Variants in CERS4 observed in about 807,000 individuals in gnomAD.
CERS4 encodes the protein ceramide synthase 4.
Under a neutral mutation model 51.8 loss-of-function variants are expected in CERS4, and 65 were observed. That is an observed-to-expected ratio of 1.26 (90% CI 1.03 to 1.54). CERS4 has a LOEUF of 1.54. Among genes scored for constraint, CERS4 ranks in the 40% most tolerant of loss-of-function variants. CERS4 has a pLI of 0.00. For missense variants in CERS4, 563 were observed against 500.4 expected (o/e 1.13, Z -1.19); for synonymous variants, 228 against 208.4 (o/e 1.09, Z -0.81).
chr19:8,237,728 G>A (rs1968329387), intron 2 of CERS4, among the ~76,000 whole-genome samples: 1 of 152,040 alleles, frequency 6.6e-6, no homozygotes, highest in Non-Finnish European at 1.5e-5. Context: ...GTGGGCGCCT[G>A]TAGTCCCAGC....
chr19:8,253,645 C>T (rs765100150), intron 3 of CERS4, among the ~76,000 whole-genome samples: 2 of 151,630 alleles, frequency 1.3e-5, no homozygotes, highest in Non-Finnish European at 2.9e-5. Context: ...TTTGTATTTT[C>T]AGTAGATGCA....
In CERS4 at chr19:8,232,544, G is replaced by A. The variant is rs528021502; in HGVS notation, c.-1-18532G>A. ...CGACCTCAGATGATCTGCCCACCTC[G>A]GCCTCCCAAAGTGCTGGGATTATAG... On this transcript the variant is annotated intron_variant, in intron 2 of 11. Coordinates refer to ENST00000251363, the MANE Select transcript of CERS4 (RefSeq NM_024552.3). 1.6e-4 allele frequency among the ~76,000 whole-genome samples: 24 copies of A among 151,832 alleles called. 1 individual carries two copies. Among genetic ancestry groups the A allele is most frequent in the African/African-American group, 3.6e-4 (15 of 41,406 alleles).
chr19:8,226,655 CA>C (rs1209183914), intron 2 of CERS4, among the ~76,000 whole-genome samples: 7 of 152,136 alleles, frequency 4.6e-5, no homozygotes. Context: ...CCTGTAATCC[CA>C]GCACTTTGGA....
chr19:8,236,512 T>C (rs982605960), intron 2 of CERS4, among the ~76,000 whole-genome samples: 1 of 149,816 alleles, frequency 6.7e-6, no homozygotes, highest in South Asian at 2.1e-4. Context: ...ATCCCATCTC[T>C]ACAAAAAAGT....
Position 8,261,770 on chromosome 19 carries a change from T to C in CERS4, c.931T>C (p.Leu311=), listed in dbSNP as rs1221660429. 10 of 1,614,176 alleles carry C rather than the reference T, an allele frequency of 6.2e-6. No homozygotes were observed. Among genetic ancestry groups the C allele is most frequent in the Non-Finnish European group, 8.5e-6 (10 of 1,180,028 alleles). ...CTACTTCTTCAACGGGCTTCTGATG[T>C]TGCTGCAGCTGCTGCACGTGTTCTG... is the stretch of plus-strand genomic sequence containing the variant. ...GYYFFNGLLM[L]LQLLHVFWSC... The change falls in exon 11 of 12, where the codon TTG becomes CTG. Residue 311 remains leucine, a synonymous_variant. Coordinates refer to ENST00000251363, the MANE Select transcript of CERS4 (RefSeq NM_024552.3).
chr19:8,235,150 A>C (rs1335637255), intron 2 of CERS4, among the ~76,000 whole-genome samples: 3 of 151,376 alleles, frequency 2.0e-5, no homozygotes, highest in Non-Finnish European at 2.9e-5. Flanking sequence ...CTGGGATTAC[A>C]GGCACACACC....
chr19:8,254,316 C>CTTTTTTTTTTTTTTTTTTTTTTTTTTT (rs1969249793), intron 3 of CERS4, among the ~76,000 whole-genome samples, 183 bp from the exon 4 acceptor site: 1 of 16,422 alleles, frequency 6.1e-5, no homozygotes, highest in Non-Finnish European at 5.7e-4. Context: ...GTGCAATACT[C>CTTTTTTTTTTTTTTTTTTTTTTTTTTT]TGTCTCAAAA....
Position 8,220,461 on chromosome 19 carries a change from T to C in CERS4, c.-2+9599T>C, listed in dbSNP as rs573720327. On this transcript the variant is annotated intron_variant, in intron 2 of 11. Transcript: ENST00000251363. ...CTGGGATTACAGGCATGTGCCACCA[T>C]GCCCAGGTAATTTTTATATTTTTAG... 3.3e-5 allele frequency among the ~76,000 whole-genome samples: 5 copies of C among 152,250 alleles called. No homozygotes were observed. The South Asian group carries it at 1.0e-3, about 32-fold the overall frequency.
chr19:8,226,579 A>G (rs1337587231), intron 2 of CERS4, among the ~76,000 whole-genome samples: 1 of 152,208 alleles, frequency 6.6e-6, no homozygotes, highest in Non-Finnish European at 1.5e-5. Context: ...GAAGGTGGGC[A>G]GGGACATCAC....
At chr19:8,238,994 G>A (rs931753559) in intron 2 of CERS4, among the ~76,000 whole-genome samples, 4 of 152,038 alleles carry the variant, frequency 2.6e-5, no homozygotes, top group African/African-American at 9.7e-5. Context: ...CCAGCTGCTT[G>A]GAAGGCTGAG....
At position 8,251,057 on chromosome 19, in the gene CERS4, C is replaced by T. The variant is rs1446111294; in HGVS notation, c.-1-19C>T. The T allele has an allele frequency of 6.4e-7, 1 of 1,564,008 alleles. No homozygotes were observed. The highest frequency in any genetic ancestry group is 1.4e-5 in the African/African-American group (1 of 73,274). On this transcript the variant is annotated intron_variant, in intron 2 of 11. Transcript: ENST00000251363. ...TTCTGCTTGCAGACCTCCCAGCTAA[C>T]TGGAACCTGTGTCCACAGAATGCTG...
chr19:8,256,801 A>C lies in CERS4; in HGVS notation c.612+91A>C, dbSNP rs1969409936. On this transcript the variant is annotated intron_variant, in intron 8 of 11. Transcript: ENST00000251363. ...GGCAGCCTTACAACCGCACCTTGAG[A>C]GCTCCCTGGTGCCTCCTGCAGGAGA... 9.6e-6 allele frequency: 15 copies of C among 1,567,302 alleles called. No homozygotes were observed. In the South Asian group the frequency reaches 1.6e-4, roughly 16 times the overall value.
chr19:8,217,568 G>A (rs1489488787), intron 2 of CERS4, among the ~76,000 whole-genome samples: 3 of 141,072 alleles, frequency 2.1e-5, no homozygotes, highest in South Asian at 2.2e-4. Context: ...ATGGAGTCTC[G>A]CTCTTTCACC....
intron 2 of CERS4, chr19:8,250,691 G>A (rs923427339): frequency 4.1e-5 from 14 of 343,930 alleles, no homozygotes; most frequent in Middle Eastern, 1.4e-3. Flanking sequence ...TCCTGGCCTC[G>A]TGATCCACCC....
chr19:8,259,780 G>T (rs567651121), intron 10 of CERS4, among the ~76,000 whole-genome samples: 5 of 152,264 alleles, frequency 3.3e-5, no homozygotes, highest in Admixed American at 6.5e-5. Flanking sequence ...GGTAATGTAG[G>T]AGTTGTCAGT....
Position 8,254,621 on chromosome 19 carries a change from G to C in CERS4, c.291+5G>C. On this transcript the variant is annotated splice_donor_5th_base_variant and intron_variant, in intron 4 of 11. Transcript: ENST00000251363. ...GAAGGGCACAGGCCCAAGGAGGTGAGAGCCCCCCATGCCCTCCGACCCGCA... is the reference window on the plus strand; with the variant it reads ...GAAGGGCACAGGCCCAAGGAGGTGACAGCCCCCCATGCCCTCCGACCCGCA... 1 of 1,603,050 alleles carries C rather than the reference G, an allele frequency of 6.2e-7. No homozygotes were observed. Among genetic ancestry groups the C allele is most frequent in the South Asian group, 1.1e-5 (1 of 89,406 alleles).
chr19:8,248,835 TGGGTGG>T, intron 2 of CERS4, among the ~76,000 whole-genome samples: 2 of 129,448 alleles, frequency 1.5e-5, no homozygotes, highest in African/African-American at 7.3e-5. Context: ...GGATGATGGG[TGGGTGG>T]ACAGATCTTT....
chr19:8,250,119 C>T (rs1568528608), intron 2 of CERS4, among the ~76,000 whole-genome samples: 3 of 151,740 alleles, frequency 2.0e-5, no homozygotes, highest in Admixed American at 1.3e-4. Context: ...GGATTATAGG[C>T]GCCTGCCACC....
chr19:8,225,971 G>A lies in CERS4; in HGVS notation c.-2+15109G>A, dbSNP rs1184469550. Among the ~76,000 whole-genome samples, 8 of 152,006 alleles carry A rather than the reference G, an allele frequency of 5.3e-5. No homozygotes were observed. In the East Asian group the frequency reaches 5.9e-4, roughly 11 times the overall value. ...AGCACTTTGGGAGGCCAAGGCGGGCGGATCATTTAAGTACAGGAGTTCAAG... is the reference window on the plus strand; with the variant it reads ...AGCACTTTGGGAGGCCAAGGCGGGCAGATCATTTAAGTACAGGAGTTCAAG... On this transcript the variant is annotated intron_variant, in intron 2 of 11. Coordinates refer to ENST00000251363, the MANE Select transcript of CERS4 (RefSeq NM_024552.3).
Sources: gnomAD v4.1 joint callset for allele counts (sites outside exome capture counted in the v4.1 genomes callset) on GRCh38, gnomAD v4.1.1 for gene constraint, MANE v1.5 for transcripts, NCBI Gene and HGNC (gene_info 2026-07-23, HGNC 2026-07-21) for gene names.